The following GAPVD1 variants were observed in gnomAD, a reference collection of about 807,000 sequenced individuals.
GAPVD1 encodes the protein GTPase activating protein and VPS9 domains 1, also known as GTPase-activating protein and VPS9 domain-containing protein 1.
In GAPVD1, 35 loss-of-function variants were observed where a neutral mutation model predicts 155.5. The ratio of observed to expected loss-of-function variants is 0.23; its 90% CI spans 0.17 to 0.30. GAPVD1 has a LOEUF of 0.30. Ranked by LOEUF, GAPVD1 falls within the 10% of genes least tolerant of loss-of-function variation. The pLI, the probability that GAPVD1 is intolerant of heterozygous loss-of-function variation, is 1.00. For synonymous variants in GAPVD1, 636 were observed against 619.7 expected (o/e 1.03, Z -0.39); for missense variants, 1,429 against 1,775.7 (o/e 0.80, Z 3.51).
At chr9:125,328,001 A>G (rs947801917) in intron 12 of GAPVD1, among the ~76,000 whole-genome samples, 1 of 152,090 alleles carries the variant, frequency 6.6e-6, no homozygotes, top group Non-Finnish European at 1.5e-5. Context: ...TTTATGATAT[A>G]GCTTTAAAAG....
At chr9:125,347,924 CAGA>C (rs1848732014) in intron 20 of GAPVD1, among the ~76,000 whole-genome samples, 1 of 152,068 alleles carries the variant, frequency 6.6e-6, no homozygotes, top group South Asian at 2.1e-4. Context: ...TTCCAAATAG[CAGA>C]AGAATTGAAA....
intron 18 of GAPVD1, chr9:125,341,505 T>A (rs539070791): frequency 2.6e-6 from 1 of 385,120 alleles, no homozygotes; most frequent in African/African-American, 2.1e-5. Flanking sequence ...CTGTCACTAT[T>A]GTTTAAATAT....
At chr9:125,325,519 C>CAAAAAA (rs34510251) in intron 11 of GAPVD1, among the ~76,000 whole-genome samples, 1 of 93,242 alleles carries the variant, frequency 1.1e-5, no homozygotes. Context: ...GACTCCATCT[C>CAAAAAA]AAAAAAAAAA....
At chr9:125,326,706 G>A in intron 12 of GAPVD1, 117 bp downstream of exon 12, 2 of 722,620 alleles carry the variant, frequency 2.8e-6, no homozygotes, top group Non-Finnish European at 4.8e-6. Flanking sequence ...CACCATCTGG[G>A]AAACTGTTAT....
In GAPVD1 at chr9:125,266,589, A is replaced by G. The variant is rs1213607536; in HGVS notation, c.-198-2347A>G. ...CGGCCTCCCAAAGTGCTGGGATTAC[A>G]GGCGTGAGCCACCGCGCGCAGCCCG... On this transcript the variant is annotated intron_variant, in intron 1 of 27. Coordinates refer to ENST00000297933, the MANE Select transcript of GAPVD1 (RefSeq NM_001282680.3). Among the ~76,000 whole-genome samples, 6 of 152,226 alleles carry G rather than the reference A, an allele frequency of 3.9e-5. No homozygotes were observed. The East Asian group carries it at 1.2e-3, about 30-fold the overall frequency.
At chr9:125,297,095 A>G (rs1840008991) in intron 3 of GAPVD1, among the ~76,000 whole-genome samples, 1 of 152,260 alleles carries the variant, frequency 6.6e-6, no homozygotes, top group Non-Finnish European at 1.5e-5. Context: ...TCAAGGGCAT[A>G]GCTTAAATAA....
intron 8 of GAPVD1, 56 bp from the exon 9 acceptor site, chr9:125,312,395 AC>A (rs1489422248): frequency 1.9e-6 from 2 of 1,079,494 alleles, no homozygotes. Context: ...TATTTAGCAT[AC>A]CATTTTCTTC....
At chr9:125,317,638 A>G (rs1357243619) in intron 9 of GAPVD1, among the ~76,000 whole-genome samples, 4 of 151,602 alleles carry the variant, frequency 2.6e-5, no homozygotes, top group Admixed American at 6.6e-5. Flanking sequence ...AAAAAAAAAA[A>G]AAAAGAAAAG....
chr9:125,317,443 T>G (rs1379559456), intron 9 of GAPVD1, among the ~76,000 whole-genome samples: 5 of 151,032 alleles, frequency 3.3e-5, no homozygotes, highest in Non-Finnish European at 7.4e-5. Flanking sequence ...CTGAGCAACA[T>G]GGAGAAACCC....
intron 15 of GAPVD1, among the ~76,000 whole-genome samples, chr9:125,332,986 C>T (rs181965409): frequency 5.1e-4 from 77 of 152,220 alleles, no homozygotes; most frequent in Admixed American, 1.4e-3. Flanking sequence ...TTTTAAAATG[C>T]ATTAAGGAAT....
intron 20 of GAPVD1, among the ~76,000 whole-genome samples, chr9:125,349,115 A>G (rs1848942834): frequency 6.6e-6 from 1 of 152,216 alleles, no homozygotes; most frequent in Admixed American, 6.5e-5. Context: ...GTTAATGTGA[A>G]CTTTCATTAT....
intron 16 of GAPVD1, 58 bp downstream of exon 16, chr9:125,337,153 T>C: frequency 3.1e-6 from 5 of 1,603,146 alleles, no homozygotes; most frequent in Non-Finnish European, 4.3e-6. Context: ...GGAAACCAAA[T>C]CCCCTTGTTA....
At chr9:125,284,722 C>T (rs1405293578) in intron 2 of GAPVD1, among the ~76,000 whole-genome samples, 1 of 152,116 alleles carries the variant, frequency 6.6e-6, no homozygotes, top group Non-Finnish European at 1.5e-5. Context: ...TGTGTTTACA[C>T]AAACTTAGGT....
chr9:125,354,432 A>G (rs551176043), intron 23 of GAPVD1, among the ~76,000 whole-genome samples: 1 of 152,208 alleles, frequency 6.6e-6, no homozygotes, highest in Non-Finnish European at 1.5e-5. Context: ...AACAAAATGC[A>G]AAATGGGTGT....
Position 125,346,916 on chromosome 9 carries a change from A to T in GAPVD1, c.3144A>T (p.Gly1048=), listed in dbSNP as rs1245478581. ...TTAAACGGACCAGCCCCAGTGATGG[A>T]GCAATGGCAAACTATGAAAGTACAG... ...NAIKRTSPSD[G]AMANYESTEV... is the part of the protein sequence containing the mutation. The change falls in exon 20 of 28, where the codon GGA becomes GGT. Residue 1048 remains glycine (G), a synonymous_variant. Coordinates refer to ENST00000297933, the MANE Select transcript of GAPVD1 (RefSeq NM_001282680.3). 6.2e-7 allele frequency: 1 copy of T among 1,611,654 alleles called. No homozygotes were observed. Among genetic ancestry groups the T allele is most frequent in the Non-Finnish European group, 8.5e-7 (1 of 1,177,694 alleles).
intron 1 of GAPVD1, among the ~76,000 whole-genome samples, chr9:125,266,020 G>A (rs1833891699): frequency 6.7e-6 from 1 of 149,802 alleles, no homozygotes; most frequent in Non-Finnish European, 1.5e-5. Context: ...TGCTTTTGAA[G>A]ACAGTATTTG....
intron 8 of GAPVD1, among the ~76,000 whole-genome samples, chr9:125,309,707 A>G (rs1252733046): frequency 6.6e-6 from 1 of 151,992 alleles, no homozygotes; most frequent in Non-Finnish European, 1.5e-5. Flanking sequence ...TAAATCAGAG[A>G]TTTTTTCTCC....
chr9:125,317,337 G>A (rs1843590372), intron 9 of GAPVD1, among the ~76,000 whole-genome samples: 1 of 149,762 alleles, frequency 6.7e-6, no homozygotes, highest in South Asian at 2.1e-4. Context: ...AAAAGAAAAC[G>A]TCCTTGATGG....
At position 125,323,939 on chromosome 9, in the gene GAPVD1, A is replaced by G; in HGVS notation, c.1858+16A>G. ...CATGAGCAAGGTAAAGTGAAGTTGA[A>G]CACAGTTGCCTAAGTAGCAAAGAAT... On this transcript the variant is annotated intron_variant, in intron 11 of 27. Coordinates refer to ENST00000297933, the MANE Select transcript of GAPVD1 (RefSeq NM_001282680.3). The G allele has an allele frequency of 6.2e-7, 1 of 1,609,932 alleles. No individual in the cohort carries two copies. The highest frequency in any genetic ancestry group is 1.1e-5 in the South Asian group (1 of 90,336).
Sources: allele counts gnomAD v4.1 joint callset (sites outside exome capture counted in the v4.1 genomes callset), GRCh38; gene constraint gnomAD v4.1.1; transcripts MANE v1.5; gene names NCBI Gene and HGNC (gene_info 2026-07-23, HGNC 2026-07-21).